GLDC: variants seen among roughly 807,000 people sequenced by gnomAD.
The protein encoded by GLDC is glycine dehydrogenase (decarboxylating), mitochondrial.
In GLDC, 104 loss-of-function variants were observed where a neutral mutation model predicts 121.3. The ratio of observed to expected loss-of-function variants is 0.86; its 90% CI spans 0.73 to 1.01. GLDC has a LOEUF of 1.01. Ranked by LOEUF, GLDC falls within the 50% of genes least tolerant of loss-of-function variation. GLDC has a pLI of 0.00. For missense variants in GLDC, 1,429 were observed against 1,306.6 expected, an observed-to-expected ratio of 1.09 and a Z score of -1.44; for synonymous variants, 546 against 480.6, an observed-to-expected ratio of 1.14 and a Z score of -1.78.
At chr9:6,577,857 T>C (rs1818101177) in intron 15 of GLDC, among the ~76,000 whole-genome samples, 1 of 151,930 alleles carries the variant, frequency 6.6e-6, no homozygotes, top group South Asian at 2.1e-4. Flanking sequence ...TCCTTCTGCT[T>C]GCTTTGAGCT....
rs772015252 is a variant in GLDC at position 6,553,429 on chromosome 9, G to C, written c.2396C>G (p.Thr799Ser). 2.2e-5 allele frequency: 35 copies of C among 1,613,812 alleles called. No individual in the cohort carries two copies. The South Asian group carries it at 3.5e-4, about 16-fold the overall frequency. The change falls in exon 20 of 25, where the codon ACC becomes AGC. Residue 799 changes from threonine to serine, a missense_variant. Physicochemically the swap from Thr to Ser is moderately conservative, Grantham distance 58. Coordinates refer to ENST00000321612, the MANE Select transcript of GLDC (RefSeq NM_000170.3). ...KRNEDACPVG[T>S]VSAAPWGSSS... The stretch of plus-strand genomic sequence containing the variant: ...GGAGCCCCATGGGGCCGCACTGACG[G>C]TTCCCACAGGACAGGCATCCTCATT...
intron 21 of GLDC, among the ~76,000 whole-genome samples, chr9:6,543,841 A>G (rs1329052843): frequency 2.0e-5 from 3 of 151,912 alleles, no homozygotes. Flanking sequence ...GCTGGACCTA[A>G]CAGTGACTAC....
At chr9:6,609,656 C>T (rs1482118777) in intron 4 of GLDC, among the ~76,000 whole-genome samples, 1 of 151,986 alleles carries the variant, frequency 6.6e-6, no homozygotes, top group African/African-American at 2.4e-5. Context: ...AAAGTCCACT[C>T]CTAATTGAGC....
intron 21 of GLDC, among the ~76,000 whole-genome samples, chr9:6,548,420 C>T (rs192084229): frequency 2.0e-5 from 3 of 152,216 alleles, no homozygotes; most frequent in Admixed American, 1.3e-4. Context: ...TCTTTAGTAC[C>T]CACTTCACAG....
intron 17 of GLDC, among the ~76,000 whole-genome samples, chr9:6,556,519 GT>G (rs1355710093): frequency 6.6e-6 from 1 of 152,226 alleles, no homozygotes; most frequent in Non-Finnish European, 1.5e-5. Context: ...CTGGCTGGGT[GT>G]GGTGGCTCAT....
At chr9:6,586,251 C>T (rs1281625388) in intron 15 of GLDC, among the ~76,000 whole-genome samples, 4 of 152,056 alleles carry the variant, frequency 2.6e-5, no homozygotes, top group East Asian at 1.9e-4. Flanking sequence ...GCCGAGATCA[C>T]GCCATTGCAC....
intron 21 of GLDC, among the ~76,000 whole-genome samples, chr9:6,544,960 A>G (rs1817356257): frequency 6.6e-6 from 1 of 152,060 alleles, no homozygotes. Context: ...TTAGCCAGGC[A>G]TGGTGGTGCA....
intron 11 of GLDC, among the ~76,000 whole-genome samples, chr9:6,590,784 G>C (rs530531845): frequency 6.6e-6 from 1 of 152,286 alleles, no homozygotes; most frequent in Admixed American, 6.5e-5. Context: ...CCAAATATCT[G>C]TGATTAAATT....
chr9:6,566,427 ACCAAATATCGAGTCAAGGG>A, intron 15 of GLDC: 1 of 152,314 alleles, frequency 6.6e-6, no homozygotes, highest in South Asian at 2.1e-4. Flanking sequence ...TCTTAGTATT[ACCAAATATCGAGTCAAGGG>A]CCTGATCAGC....
intron 2 of GLDC, among the ~76,000 whole-genome samples, chr9:6,629,665 A>T (rs995905981): frequency 4.0e-5 from 6 of 151,730 alleles, no homozygotes; most frequent in Non-Finnish European, 8.8e-5. Flanking sequence ...CATTACCCCA[A>T]ACATAACCCT....
At position 6,550,846 on chromosome 9, in the gene GLDC, C is replaced by G. The variant is rs548033815; in HGVS notation, c.2526G>C (p.Lys842Asn). ...TAILNANYMA[K>N]RLETHYRILF... ...GAATTCTGTAGTGTGTTTCTAATCG[C>G]TTGGCCATGTAGTTGGCATTTAATA... The change falls in exon 21 of 25, where the codon AAG (lysine) becomes AAC (asparagine). Residue 842 changes from lysine (K) to asparagine (N), a missense_variant. Transcript: ENST00000321612. 121 of 1,613,754 alleles carry G rather than the reference C, an allele frequency of 7.5e-5. No homozygotes were observed. The highest frequency in any genetic ancestry group is 9.8e-5 in the Non-Finnish European group (116 of 1,179,656).
At chr9:6,592,759 T>C (rs1216807322) in intron 10 of GLDC, 92 bp downstream of exon 10, 1 of 1,302,926 alleles carries the variant, frequency 7.7e-7, no homozygotes, top group South Asian at 1.3e-5. Context: ...AAAGTTTTCC[T>C]TTTTATTTTT....
chr9:6,602,327 A>C, intron 7 of GLDC, 122 bp from the exon 8 acceptor site: 1 of 709,982 alleles, frequency 1.4e-6, no homozygotes, highest in East Asian at 2.7e-5. Context: ...TTGGGTGCAA[A>C]TTTATAAAGA....
At chr9:6,633,781 C>T (rs921288252) in intron 2 of GLDC, among the ~76,000 whole-genome samples, 4 of 143,894 alleles carry the variant, frequency 2.8e-5, no homozygotes, top group Non-Finnish European at 6.0e-5. Context: ...ATGAGCTAGG[C>T]GTGTAATCCC....
intron 15 of GLDC, among the ~76,000 whole-genome samples, chr9:6,580,748 CA>C (rs1563845893): frequency 6.6e-6 from 1 of 152,214 alleles, no homozygotes; most frequent in East Asian, 1.9e-4. Context: ...CCATCTGCTC[CA>C]TAACACTTCC....
At chr9:6,608,780 TAAATG>T (rs1818791097) in intron 4 of GLDC, among the ~76,000 whole-genome samples, 1 of 151,338 alleles carries the variant, frequency 6.6e-6, no homozygotes, top group East Asian at 1.9e-4. Flanking sequence ...AATAAATAAA[TAAATG>T]AAATAAGATA....
At chr9:6,618,339 C>T (rs1181897715) in intron 3 of GLDC, among the ~76,000 whole-genome samples, 1 of 152,114 alleles carries the variant, frequency 6.6e-6, no homozygotes, top group Non-Finnish European at 1.5e-5. Context: ...AGGCAGATGT[C>T]CTTAACTGCC....
At chr9:6,641,965 CA>C (rs749909251) in intron 2 of GLDC, among the ~76,000 whole-genome samples, 21 of 152,122 alleles carry the variant, frequency 1.4e-4, no homozygotes, top group Admixed American at 2.6e-4. Context: ...ATGCTACTAC[CA>C]GAGCTTACAT....
chr9:6,564,151 G>C (rs537839197), intron 16 of GLDC, among the ~76,000 whole-genome samples: 120 of 152,104 alleles, frequency 7.9e-4, no homozygotes, highest in African/African-American at 2.8e-3. Flanking sequence ...AGGAGGCTGA[G>C]GCACAAGAAT....
Sources: gnomAD v4.1 joint callset for allele counts (sites outside exome capture counted in the v4.1 genomes callset) on GRCh38, gnomAD v4.1.1 for gene constraint, MANE v1.5 for transcripts, NCBI Gene and HGNC (gene_info 2026-07-23, HGNC 2026-07-21) for gene names.